Variants in ARHGEF3 observed in about 807,000 individuals in gnomAD.
The protein encoded by ARHGEF3 is Rho guanine nucleotide exchange factor 3, also known as 59.8 kDA protein.
Under a neutral mutation model 63.2 loss-of-function variants are expected in ARHGEF3, and 28 were observed. The observed-to-expected ratio is 0.44, with a 90% CI of 0.33 to 0.61. The LOEUF is 0.61. Ranked by LOEUF, ARHGEF3 falls within the 20% of genes least tolerant of loss-of-function variation. The probability of loss-of-function intolerance (pLI) is 0.03; values close to 1 mark genes in which losing one functional copy is unlikely to be tolerated. For missense variants in ARHGEF3, 533 were observed against 659.3 expected, an observed-to-expected ratio of 0.81 and a Z score of 2.10; for synonymous variants, 266 against 254.2, an observed-to-expected ratio of 1.05 and a Z score of -0.44.
At chr3:56,821,962 C>T (rs1578602889) in intron 4 of ARHGEF3, among the ~76,000 whole-genome samples, 3 of 118,776 alleles carry the variant, frequency 2.5e-5, no homozygotes, top group Non-Finnish European at 1.7e-5. Context: ...GACTCTGTCT[C>T]GAGAAGAGAA....
intron 3 of ARHGEF3, among the ~76,000 whole-genome samples, chr3:56,950,159 A>T (rs911544562): frequency 1.3e-5 from 2 of 152,106 alleles, no homozygotes; most frequent in Admixed American, 6.5e-5. Context: ...TAAATGTTAG[A>T]CCTAAAACTA....
rs569970970 is a variant in ARHGEF3 at position 56,945,297 on chromosome 3, C to T, written c.129+13526G>A. On this transcript the variant is annotated intron_variant, in intron 3 of 12. Coordinates refer to the ARHGEF3 transcript ENST00000338458. ...AGGACAGTGGATGCAGTTCACCGAGCGTGAGCCGAAGCAGGGTGAGGCATT... is the reference window on the plus strand; with the variant it reads ...AGGACAGTGGATGCAGTTCACCGAGTGTGAGCCGAAGCAGGGTGAGGCATT... Among the ~76,000 whole-genome samples, 11 of 152,118 alleles carry T rather than the reference C, an allele frequency of 7.2e-5. 1 individual carries two copies. The South Asian group carries it at 8.3e-4, about 11-fold the overall frequency.
At chr3:56,919,946 G>C (rs75271449) in intron 3 of ARHGEF3, among the ~76,000 whole-genome samples, 1 of 152,290 alleles carries the variant, frequency 6.6e-6, no homozygotes, top group South Asian at 2.1e-4. Flanking sequence ...AAGACACAGC[G>C]AGAAACCTGC....
intron 6 of ARHGEF3, among the ~76,000 whole-genome samples, chr3:56,749,082 A>G (rs531582164): frequency 2.0e-4 from 30 of 152,336 alleles, no homozygotes; most frequent in African/African-American, 7.0e-4. Context: ...TCAGACGGAC[A>G]CATCTGCAGT....
At chr3:56,983,118 C>G (rs1397281664) in intron 2 of ARHGEF3, among the ~76,000 whole-genome samples, 1 of 152,040 alleles carries the variant, frequency 6.6e-6, no homozygotes, top group African/African-American at 2.4e-5. Context: ...GGGAAGACTG[C>G]TGGTATATTT....
At chr3:56,944,568 C>CTTT (rs1205155655) in intron 3 of ARHGEF3, among the ~76,000 whole-genome samples, 247 of 65,692 alleles carry the variant, frequency 3.8e-3, no homozygotes, top group African/African-American at 6.1e-3. Flanking sequence ...AAAGTGGTTT[C>CTTT]TTTTTTTTTT....
chr3:56,885,954 T>C (rs1170821936), intron 3 of ARHGEF3, among the ~76,000 whole-genome samples: 1 of 152,214 alleles, frequency 6.6e-6, no homozygotes, highest in Non-Finnish European at 1.5e-5. Flanking sequence ...ACTTGTTCAT[T>C]TGCTCTGTGT....
chr3:57,065,870 T>C (rs1300322948), intron 1 of ARHGEF3, among the ~76,000 whole-genome samples: 1 of 152,082 alleles, frequency 6.6e-6, no homozygotes, highest in Non-Finnish European at 1.5e-5. Flanking sequence ...TTGTTGCAGA[T>C]AAATGGCACC....
chr3:56,816,142 G>C (rs1244203334), intron 4 of ARHGEF3, among the ~76,000 whole-genome samples: 1 of 152,144 alleles, frequency 6.6e-6, no homozygotes, highest in African/African-American at 2.4e-5. Context: ...TTGAGCCCAG[G>C]AGTTGGAGGT....
chr3:56,773,506 C>T (rs1388157963), intron 2 of ARHGEF3, among the ~76,000 whole-genome samples: 1 of 152,198 alleles, frequency 6.6e-6, no homozygotes, highest in African/African-American at 2.4e-5. Context: ...GGCCCAACCA[C>T]AACAGCTCTG....
At chr3:56,959,024 C>T in intron 2 of ARHGEF3, 1 of 909,834 alleles carries the variant, frequency 1.1e-6, no homozygotes, top group Non-Finnish European at 1.7e-6. Context: ...GAGTTTTCAA[C>T]AGCTCTGCAA....
At chr3:56,787,547 G>A (rs1163597122) in intron 1 of ARHGEF3, among the ~76,000 whole-genome samples, 2 of 152,010 alleles carry the variant, frequency 1.3e-5, no homozygotes, top group African/African-American at 2.4e-5. Flanking sequence ...CAGCAACCCC[G>A]TTATCCTGTT....
chr3:56,814,028 A>G (rs1316227307), intron 4 of ARHGEF3, among the ~76,000 whole-genome samples: 1 of 152,242 alleles, frequency 6.6e-6, no homozygotes, highest in Admixed American at 6.5e-5. Context: ...CACTTCCTAG[A>G]GAAGCTTTTA....
chr3:57,021,388 TAGG>T lies in ARHGEF3; in HGVS notation c.62+13697_62+13699del, dbSNP rs373031427. On this transcript the variant is annotated intron_variant, in intron 2 of 12. Transcript: ENST00000338458. ...AACTGAAAGCCTGCATCACATCTCCTAGGGAAACATTAGCGCACTCCCACTGAA... is the reference window on the plus strand; with the variant it reads ...AACTGAAAGCCTGCATCACATCTCCTGAAACATTAGCGCACTCCCACTGAA... Among the ~76,000 whole-genome samples the T allele has an allele frequency of 4.3e-3, 651 of 152,306 alleles. 5 individuals are homozygous for T. The highest frequency in any genetic ancestry group is 0.014 in the African/African-American group (595 of 41,568).
rs142936401 is a variant in ARHGEF3 at position 56,849,476 on chromosome 3, T to C, written c.192+32816A>G. Among the ~76,000 whole-genome samples the C allele has an allele frequency of 9.2e-5, 14 of 152,224 alleles. No homozygotes were observed. The East Asian group carries it at 2.7e-3, about 29-fold the overall frequency. On this transcript the variant is annotated intron_variant, in intron 4 of 12. Transcript: ENST00000338458. Reference sequence around the variant, plus strand: ...GCTTCATATTTTTCATCAGTAAAAATGGGAACAGTGATAGTAGCAACTTCC... The same window carrying C: ...GCTTCATATTTTTCATCAGTAAAAACGGGAACAGTGATAGTAGCAACTTCC...
chr3:56,886,342 C>T (rs747295057), intron 3 of ARHGEF3, among the ~76,000 whole-genome samples: 5 of 152,132 alleles, frequency 3.3e-5, no homozygotes, highest in Non-Finnish European at 7.4e-5. Flanking sequence ...CCTCCCTTTG[C>T]TTGTCTTCTT....
At chr3:56,954,832 A>G (rs1699970614) in intron 3 of ARHGEF3, among the ~76,000 whole-genome samples, 1 of 151,992 alleles carries the variant, frequency 6.6e-6, no homozygotes, top group Non-Finnish European at 1.5e-5. Flanking sequence ...ACAGCCAAAC[A>G]CTCCAGCATA....
chr3:56,745,379 G>A lies in ARHGEF3; in HGVS notation c.696C>T (p.His232=), dbSNP rs2034314136. The A allele has an allele frequency of 5.0e-6, 8 of 1,614,108 alleles. No individual in the cohort carries two copies. The highest frequency in any genetic ancestry group is 4.5e-5 in the East Asian group (2 of 44,882). The part of the protein sequence containing the change: ...KALLDHKKQD[H]RVQDFLQRCL... Reference sequence around the variant, plus strand: ...ATCGCTGTAGGAAATCCTGGACTCGGTGATCTTGCTTTTTGTGGTCCAGCA... The same window carrying A: ...ATCGCTGTAGGAAATCCTGGACTCGATGATCTTGCTTTTTGTGGTCCAGCA... The change falls in exon 7 of 10, where the codon CAC becomes CAT. Residue 232 remains histidine, a synonymous_variant. Transcript: ENST00000296315.
intron 3 of ARHGEF3, among the ~76,000 whole-genome samples, chr3:56,907,358 T>C (rs1031220920): frequency 1.1e-4 from 16 of 152,180 alleles, no homozygotes; most frequent in African/African-American, 3.4e-4. Context: ...TCTTTCTTTT[T>C]ACATAGAAAT....
Sources: gnomAD v4.1 joint callset for allele counts (sites outside exome capture counted in the v4.1 genomes callset) on GRCh38, gnomAD v4.1.1 for gene constraint, MANE v1.5 for transcripts, NCBI Gene and HGNC (gene_info 2026-07-23, HGNC 2026-07-21) for gene names.